Variants in WWP1 observed in about 807,000 individuals in gnomAD.
The protein encoded by WWP1 is WW domain containing E3 ubiquitin protein ligase 1.
In WWP1, 49 loss-of-function variants were observed where a neutral mutation model predicts 130.6. The observed-to-expected ratio is 0.38, with a 90% CI of 0.30 to 0.48. WWP1 has a LOEUF of 0.48. WWP1 is among the 20% of genes least tolerant of loss of function. The pLI is 0.99. For missense variants in WWP1, 809 were observed against 1,100.6 expected, an observed-to-expected ratio of 0.74 and a Z score of 3.75; for synonymous variants, 332 against 367.8, an observed-to-expected ratio of 0.90 and a Z score of 1.11.
At chr8:86,429,221 T>G (rs1270043072) in intron 11 of WWP1, among the ~76,000 whole-genome samples, 10 of 152,214 alleles carry the variant, frequency 6.6e-5, no homozygotes, top group Non-Finnish European at 1.3e-4. Context: ...CCCTTGCCTT[T>G]TTTACTTAGC....
At chr8:86,421,024 G>C (rs990315830) in intron 9 of WWP1, among the ~76,000 whole-genome samples, 30 of 152,156 alleles carry the variant, frequency 2.0e-4, no homozygotes, top group African/African-American at 7.0e-4. Context: ...CTTTCATACA[G>C]AATAGCCCAT....
intron 10 of WWP1, 95 bp from the exon 11 acceptor site, chr8:86,427,546 ATG>A: frequency 1.0e-5 from 13 of 1,270,330 alleles, no homozygotes; most frequent in Non-Finnish European, 1.4e-5. Context: ...TTATTTTAAC[ATG>A]TCTTGAACTT....
At chr8:86,412,749 G>A (rs1303420626) in intron 9 of WWP1, among the ~76,000 whole-genome samples, 1 of 148,292 alleles carries the variant, frequency 6.7e-6, no homozygotes, top group Non-Finnish European at 1.5e-5. Context: ...TTACTGGCTC[G>A]TCTGATGTTG....
chr8:86,461,591 A>T, intron 23 of WWP1, 183 bp from the exon 24 acceptor site: 1 of 642,420 alleles, frequency 1.6e-6, no homozygotes. Context: ...CTTCCCAATG[A>T]TCTAATTCTT....
intron 1 of WWP1, among the ~76,000 whole-genome samples, chr8:86,345,296 A>G (rs1304237507): frequency 6.6e-6 from 1 of 152,186 alleles, no homozygotes; most frequent in Non-Finnish European, 1.5e-5. Flanking sequence ...TTCTTGGTAA[A>G]ATGCTGGCCT....
intron 1 of WWP1, among the ~76,000 whole-genome samples, chr8:86,345,793 A>G (rs1234523076): frequency 6.6e-6 from 1 of 152,190 alleles, no homozygotes; most frequent in Admixed American, 6.5e-5. Flanking sequence ...TATGCTGTAT[A>G]TATACAGAAA....
At chr8:86,430,449 T>TA (rs201328093) in intron 11 of WWP1, among the ~76,000 whole-genome samples, 1 of 151,360 alleles carries the variant, frequency 6.6e-6, no homozygotes, top group Non-Finnish European at 1.5e-5. Context: ...TCTGGCTAAT[T>TA]AAAAAAAAAT....
At chr8:86,421,468 T>G (rs1331627304) in intron 9 of WWP1, among the ~76,000 whole-genome samples, 1 of 149,358 alleles carries the variant, frequency 6.7e-6, no homozygotes, top group Non-Finnish European at 1.5e-5. Flanking sequence ...AAATAAGCAC[T>G]CTTAATAAAA....
At chr8:86,433,033 G>A (rs1400164956) in intron 14 of WWP1, among the ~76,000 whole-genome samples, 2 of 152,106 alleles carry the variant, frequency 1.3e-5, no homozygotes, top group African/African-American at 4.8e-5. Context: ...ATTTGCAAGG[G>A]CACCAATGAT....
At position 86,358,709 on chromosome 8, in the gene WWP1, G is replaced by A. The variant is rs529095689; in HGVS notation, c.-114-10230G>A. 3.1e-3 allele frequency among the ~76,000 whole-genome samples: 473 copies of A among 151,696 alleles called. 1 individual carries two copies. The highest frequency in any genetic ancestry group is 4.1e-3 in the Non-Finnish European group (278 of 67,900). On this transcript the variant is annotated intron_variant, in intron 1 of 24. Transcript: ENST00000517970. ...TTTTTTGTAGAGACAAGGTTTTACC[G>A]TGTTGCCTAGGCTGGTCTCGAACTC...
At chr8:86,356,191 A>G (rs988176180) in intron 1 of WWP1, among the ~76,000 whole-genome samples, 12 of 152,164 alleles carry the variant, frequency 7.9e-5, no homozygotes, top group Admixed American at 7.9e-4. Context: ...TGTTTTCTGC[A>G]TCACTCAGGT....
At chr8:86,433,489 A>G (rs1295738053) in intron 14 of WWP1, among the ~76,000 whole-genome samples, 3 of 151,814 alleles carry the variant, frequency 2.0e-5, no homozygotes, top group East Asian at 1.9e-4. Context: ...TGAGGCGGGT[A>G]GATCACTTGA....
In WWP1 at chr8:86,461,421, G is replaced by A. The variant is rs145224459; in HGVS notation, c.2596+101G>A. 5.4e-4 allele frequency: 546 copies of A among 1,015,080 alleles called. 6 individuals are homozygous for A. In the African/African-American group the frequency reaches 7.1e-3, roughly 13 times the overall value. The allele number at this position is 1,015,080 out of a possible 1,614,324, so 62.9% of individuals were successfully genotyped here. ...GATTGAACCTAAAGATTACTCTTCT[G>A]TGCTGTAGGTAGGGCTTCATTTAGA... On this transcript the variant is annotated intron_variant, in intron 23 of 24. Transcript: ENST00000517970.
chr8:86,448,025 A>G lies in WWP1; in HGVS notation c.1999-123A>G, dbSNP rs1563542770. On this transcript the variant is annotated intron_variant, in intron 18 of 24. Coordinates refer to ENST00000517970, the MANE Select transcript of WWP1 (RefSeq NM_007013.4). ...TATAATATTTTAGTTTTCATGATTTATGCCATTCACTTACTGAATGCTTTG... is the reference window on the plus strand; with the variant it reads ...TATAATATTTTAGTTTTCATGATTTGTGCCATTCACTTACTGAATGCTTTG... The G allele has an allele frequency of 3.7e-6, 3 of 805,760 alleles. No individual in the cohort carries two copies. In the East Asian group the frequency reaches 9.0e-5, roughly 24 times the overall value. 49.9% of individuals were successfully genotyped at this position (805,760 alleles called of 1,614,324 possible).
At chr8:86,390,968 T>TG in intron 5 of WWP1, among the ~76,000 whole-genome samples, 1 of 152,284 alleles carries the variant, frequency 6.6e-6, no homozygotes, top group South Asian at 2.1e-4. Flanking sequence ...GGGGTAATGG[T>TG]GGGGGAGTGA....
chr8:86,468,249 A>T lies in WWP1; in HGVS notation c.*1356A>T, dbSNP rs1164575171. The T allele has an allele frequency of 2.7e-6, 1 of 371,432 alleles. No homozygotes were observed. Among genetic ancestry groups the T allele is most frequent in the Non-Finnish European group, 5.1e-6 (1 of 194,362 alleles). The allele number at this position is 371,432 out of a possible 1,614,324, so 23.0% of individuals were successfully genotyped here. A position where few individuals can be genotyped will look rare whatever the true frequency, so the allele number is the denominator to read the frequency against. On this transcript the variant is annotated 3_prime_UTR_variant, in exon 25 of 25. Coordinates refer to ENST00000517970, the MANE Select transcript of WWP1 (RefSeq NM_007013.4). ...CTATAAATATTTCACTGCTAAGTAC[A>T]TACAGAAAAACAGTAATTATTGTTT...
chr8:86,439,752 T>TA (rs1810494314), intron 17 of WWP1, among the ~76,000 whole-genome samples: 1 of 152,206 alleles, frequency 6.6e-6, no homozygotes. Context: ...TTTTGTCCCT[T>TA]ATTTGTTCTG....
intron 2 of WWP1, among the ~76,000 whole-genome samples, chr8:86,371,418 T>G (rs1225435631): frequency 6.6e-6 from 1 of 152,236 alleles, no homozygotes; most frequent in Admixed American, 6.5e-5. Flanking sequence ...TGCCAAATTA[T>G]TTTCCAACAG....
intron 4 of WWP1, 139 bp downstream of exon 4, chr8:86,381,003 A>G: frequency 2.6e-6 from 3 of 1,173,380 alleles, no homozygotes; most frequent in South Asian, 2.5e-5. Flanking sequence ...GTATGGAGAA[A>G]TTTTTGGTTA....
Sources: allele counts gnomAD v4.1 joint callset (sites outside exome capture counted in the v4.1 genomes callset), GRCh38; gene constraint gnomAD v4.1.1; transcripts MANE v1.5; gene names NCBI Gene and HGNC (gene_info 2026-07-23, HGNC 2026-07-21).